Variants in KCNT1 observed in about 807,000 individuals in gnomAD.
KCNT1 encodes potassium channel subfamily T member 1.
In KCNT1, 78 loss-of-function variants were observed where a neutral mutation model predicts 147.8. The ratio of observed to expected loss-of-function variants is 0.53; its 90% CI spans 0.44 to 0.64. The LOEUF (loss-of-function observed/expected upper bound fraction) is 0.64. Among genes scored for constraint, KCNT1 ranks in the 30% least tolerant of loss-of-function variants. The pLI is 0.00. For missense variants in KCNT1, 1,419 were observed against 1,750.3 expected (o/e 0.81, Z 3.38); for synonymous variants, 867 against 748.8 (o/e 1.16, Z -2.58).
intron 27 of KCNT1, 137 bp from the exon 28 acceptor site, chr9:135,785,173 C>A: frequency 7.5e-7 from 1 of 1,325,700 alleles, no homozygotes. Context: ...TACGGGCAGC[C>A]CCTGTGCTGC....
At chr9:135,756,534 C>T (rs907220941) in intron 6 of KCNT1, among the ~76,000 whole-genome samples, 2 of 152,170 alleles carry the variant, frequency 1.3e-5, no homozygotes, top group African/African-American at 2.4e-5. Flanking sequence ...GTCCACTGAG[C>T]CTCCATCTCC....
At chr9:135,731,936 T>A (rs1836449515) in intron 2 of KCNT1, among the ~76,000 whole-genome samples, 1 of 141,886 alleles carries the variant, frequency 7.0e-6, no homozygotes, top group South Asian at 2.3e-4. Flanking sequence ...TCATCACATA[T>A]CTAAATACTT....
intron 2 of KCNT1, among the ~76,000 whole-genome samples, chr9:135,732,042 G>GAGAGAGAGAGAGT (rs1554766213): frequency 3.8e-5 from 2 of 52,682 alleles, no homozygotes; most frequent in Admixed American, 4.2e-4. Context: ...AGAGAGAGAG[G>GAGAGAGAGAGAGT]GAGTCTCACT....
chr9:135,769,469 G>T (rs887710786), intron 15 of KCNT1, among the ~76,000 whole-genome samples: 1 of 152,188 alleles, frequency 6.6e-6, no homozygotes, highest in African/African-American at 2.4e-5. Context: ...TCCGAGAAGG[G>T]ACCTAGGGGG....
intron 2 of KCNT1, among the ~76,000 whole-genome samples, chr9:135,732,022 A>AGAGAGAGAGAGAGAGAGAGAGG (rs1564328271): frequency 4.6e-5 from 6 of 129,430 alleles, no homozygotes; most frequent in African/African-American, 1.5e-4. Flanking sequence ...AGAGAGAGAG[A>AGAGAGAGAGAGAGAGAGAGAGG]GAGAGAGAGA....
chr9:135,739,061 C>T (rs1454091383), intron 2 of KCNT1, among the ~76,000 whole-genome samples: 1 of 152,128 alleles, frequency 6.6e-6, no homozygotes, highest in African/African-American at 2.4e-5. Context: ...CTCCCAGCCT[C>T]ATGCCTGACT....
intron 1 of KCNT1, among the ~76,000 whole-genome samples, chr9:135,713,515 AGAGAG>A (rs1361363342): frequency 6.6e-6 from 1 of 152,126 alleles, no homozygotes; most frequent in Non-Finnish European, 1.5e-5. Flanking sequence ...ACTTGAGGAG[AGAGAG>A]GAGAGTTTTG....
At chr9:135,741,561 C>T (rs11103153) in intron 2 of KCNT1, among the ~76,000 whole-genome samples, 59,044 of 152,162 alleles carry the variant, frequency 0.39, 11,637 homozygotes, top group South Asian at 0.46. Context: ...CTGCCTGCTC[C>T]GTGTGGAGCT....
chr9:135,762,727 G>A (rs999970200), intron 11 of KCNT1, among the ~76,000 whole-genome samples: 1 of 152,202 alleles, frequency 6.6e-6, no homozygotes, highest in Non-Finnish European at 1.5e-5. Flanking sequence ...TCCAGCCTGG[G>A]TGACAGAGCG....
intron 22 of KCNT1, 32 bp from the exon 23 acceptor site, chr9:135,778,656 C>A: frequency 1.2e-6 from 2 of 1,612,570 alleles, no homozygotes; most frequent in Non-Finnish European, 1.7e-6. Flanking sequence ...TGGGCCGCAT[C>A]CTCAGCCACG....
In KCNT1 at chr9:135,739,108, C is replaced by T. The variant is rs529850204; in HGVS notation, c.255-10990C>T. Among the ~76,000 whole-genome samples, 65 of 152,238 alleles carry T rather than the reference C, an allele frequency of 4.3e-4. No individual in the cohort carries two copies. In the South Asian group the frequency reaches 0.013, roughly 30 times the overall value. ...CACAGCCCCCTCCCCACATCCTCTCCGGGGCCGTTCCCCCAGCCCCATCCT... is the reference window on the plus strand; with the variant it reads ...CACAGCCCCCTCCCCACATCCTCTCTGGGGCCGTTCCCCCAGCCCCATCCT... On this transcript the variant is annotated intron_variant, in intron 2 of 30. Transcript: ENST00000371757.
chr9:135,708,122 A>G (rs4842023), intron 1 of KCNT1, among the ~76,000 whole-genome samples: 10,643 of 151,832 alleles, frequency 0.07, 897 homozygotes, highest in African/African-American at 0.19. Context: ...GCACTCAGAC[A>G]CCCCCACCAC....
At position 135,750,103 on chromosome 9, in the gene KCNT1, A is replaced by G; in HGVS notation, c.260A>G (p.Gln87Arg). The change falls in exon 3 of 31, where the codon CAG becomes CGG. Residue 87 changes from glutamine (Q) to arginine (R), a missense_variant. This residue lies in a region of KCNT1 where 181 missense variants were observed against 155.7 expected (regional missense o/e 1.16). Transcript: ENST00000371757. ...DPSFQNDDRV[Q>R]VEFYVNENTF... is the part of the protein sequence containing the mutation. ...GCCCCTCTCTGCTTCTTCAGGGTCC[A>G]GGTGGAGTTCTACGTCAACGAGAAC... is the stretch of plus-strand genomic sequence containing the variant. The G allele has an allele frequency of 6.2e-7, 1 of 1,613,618 alleles. No individual in the cohort carries two copies. Among genetic ancestry groups the G allele is most frequent in the Non-Finnish European group, 8.5e-7 (1 of 1,179,758 alleles).
chr9:135,713,497 C>T (rs925751573), intron 1 of KCNT1, among the ~76,000 whole-genome samples: 3 of 152,176 alleles, frequency 2.0e-5, no homozygotes, highest in African/African-American at 4.8e-5. Flanking sequence ...ATGTGCCCAC[C>T]CCTCCCGACT....
intron 2 of KCNT1, among the ~76,000 whole-genome samples, chr9:135,740,570 G>C (rs1056859913): frequency 1.3e-5 from 2 of 152,232 alleles, no homozygotes; most frequent in African/African-American, 4.8e-5. Flanking sequence ...CCAGCCCCAG[G>C]CTCTGCAGGA....
At chr9:135,733,703 C>G (rs936451551) in intron 2 of KCNT1, among the ~76,000 whole-genome samples, 5 of 147,278 alleles carry the variant, frequency 3.4e-5, no homozygotes, top group African/African-American at 5.1e-5. Context: ...CCGAGGTGAC[C>G]CCAGCTAGTT....
At chr9:135,747,087 G>GCA (rs1463355959) in intron 2 of KCNT1, among the ~76,000 whole-genome samples, 1 of 152,074 alleles carries the variant, frequency 6.6e-6, no homozygotes, top group East Asian at 1.9e-4. Context: ...CTTAATTCCC[G>GCA]GGCTGGGTGG....
Position 135,752,499 on chromosome 9 carries a change from G to T in KCNT1, c.435-1438G>T, listed in dbSNP as rs1442700689. Reference sequence around the variant, plus strand: ...AGTCCCAGGGTCCCCTGGGGCTTCTGGTTTCACATCCCCACAGGGCCCAAG... The same window carrying T: ...AGTCCCAGGGTCCCCTGGGGCTTCTTGTTTCACATCCCCACAGGGCCCAAG... On this transcript the variant is annotated intron_variant, in intron 4 of 30. Transcript: ENST00000371757. The surrounding 1 kb of genome is among the most constrained non-coding windows in gnomAD (Gnocchi z 5.1). 15 of 453,986 alleles carry T rather than the reference G, an allele frequency of 3.3e-5. No individual in the cohort carries two copies. The highest frequency in any genetic ancestry group is 1.7e-4 in the Admixed American group (7 of 42,126). 28.1% of individuals were successfully genotyped at this position (453,986 alleles called of 1,614,324 possible).
At chr9:135,719,588 C>T (rs998204386) in intron 2 of KCNT1, among the ~76,000 whole-genome samples, 1 of 152,204 alleles carries the variant, frequency 6.6e-6, no homozygotes, top group East Asian at 1.9e-4. Flanking sequence ...CCCACCGGGG[C>T]CACTGAAGCC....
Sources: gnomAD v4.1 joint callset for allele counts (sites outside exome capture counted in the v4.1 genomes callset) on GRCh38, gnomAD v4.1.1 for gene constraint, gnomAD v4.1.1 regional missense constraint, Gnocchi (gnomAD v3.1) non-coding constraint, MANE v1.5 for transcripts, NCBI Gene and HGNC (gene_info 2026-07-23, HGNC 2026-07-21) for gene names.